PID1: variants seen among roughly 807,000 people sequenced by gnomAD.
The protein encoded by PID1 is PTB-containing, cubilin and LRP1-interacting protein.
PID1 carries 10 observed loss-of-function variants against 19.1 expected under a neutral mutation model. That is an observed-to-expected ratio of 0.52 (90% CI 0.32 to 0.89). The LOEUF is 0.89. Among genes scored for constraint, PID1 ranks in the 40% least tolerant of loss-of-function variants. PID1 has a pLI of 0.03. For synonymous variants in PID1, 130 were observed against 116.0 expected (o/e 1.12, Z -0.78); for missense variants, 248 against 285.3 (o/e 0.87, Z 0.94).
chr2:229,097,786 A>G (rs1694999849), intron 2 of PID1, among the ~76,000 whole-genome samples: 1 of 152,140 alleles, frequency 6.6e-6, no homozygotes, highest in Non-Finnish European at 1.5e-5. Context: ...TTTTCCCAAA[A>G]TGATAATGAA....
At chr2:229,149,834 A>ACT (rs1462133336) in intron 2 of PID1, among the ~76,000 whole-genome samples, 1 of 151,964 alleles carries the variant, frequency 6.6e-6, no homozygotes, top group Non-Finnish European at 1.5e-5. Context: ...GGCTGGTGGG[A>ACT]CTCTCGGCAA....
At chr2:229,026,857 C>T (rs188197118) in intron 2 of PID1, among the ~76,000 whole-genome samples, 26 of 152,234 alleles carry the variant, frequency 1.7e-4, no homozygotes, top group African/African-American at 5.1e-4. Flanking sequence ...TAATTCCAAA[C>T]GATTCAAATA....
At chr2:229,247,114 G>A (rs1690024558) in intron 1 of PID1, among the ~76,000 whole-genome samples, 1 of 152,176 alleles carries the variant, frequency 6.6e-6, no homozygotes, top group Non-Finnish European at 1.5e-5. Context: ...CTCCATAGAG[G>A]AGCAAAAATT....
intron 2 of PID1, among the ~76,000 whole-genome samples, chr2:229,037,505 G>T (rs1350518638): frequency 6.6e-6 from 1 of 152,152 alleles, no homozygotes; most frequent in African/African-American, 2.4e-5. Context: ...CAGTCCCCAT[G>T]TGCAATTTGT....
chr2:229,106,079 A>AAAAC (rs1224019798), intron 2 of PID1, among the ~76,000 whole-genome samples: 1 of 151,112 alleles, frequency 6.6e-6, no homozygotes, highest in Non-Finnish European at 1.5e-5. Context: ...GATTCCGTCA[A>AAAAC]AAAAAAAAAA....
chr2:229,061,683 G>A (rs1403663865), intron 2 of PID1, among the ~76,000 whole-genome samples: 4 of 152,034 alleles, frequency 2.6e-5, no homozygotes, highest in Non-Finnish European at 4.4e-5. Context: ...TATTGACCCT[G>A]TAGATCACTT....
At position 229,025,450 on chromosome 2, in the gene PID1, A is replaced by G. The variant is rs920038924; in HGVS notation, c.*182T>C. On this transcript the variant is annotated 3_prime_UTR_variant, in exon 3 of 3. Transcript: ENST00000392055. ...ACAGTCACAGCAGCAGCAGGTTTCA[A>G]TGTAACGTAATTACTTTAATGATAC... The G allele has an allele frequency of 5.0e-6, 3 of 601,270 alleles. No homozygotes were observed. The highest frequency in any genetic ancestry group is 3.7e-5 in the African/African-American group (2 of 54,012). The allele number at this position is 601,270 out of a possible 1,614,324, so 37.2% of individuals were successfully genotyped here. A position where few individuals can be genotyped will look rare whatever the true frequency, so the allele number is the denominator to read the frequency against.
intron 2 of PID1, among the ~76,000 whole-genome samples, chr2:229,114,135 T>TCTCTC (rs1559239219): frequency 1.1e-5 from 1 of 93,700 alleles, no homozygotes; most frequent in African/African-American, 4.3e-5. Context: ...CTCTCTCTCT[T>TCTCTC]TCTCTCTCTC....
chr2:229,181,581 C>T (rs1690948275), intron 1 of PID1, among the ~76,000 whole-genome samples: 1 of 152,182 alleles, frequency 6.6e-6, no homozygotes. Context: ...ACTGATCAGC[C>T]TTTTCTCCAA....
chr2:229,026,162 C>T (rs964603153), intron 2 of PID1, 54 bp from the exon 3 acceptor site: 3 of 1,201,384 alleles, frequency 2.5e-6, no homozygotes, highest in African/African-American at 3.0e-5. Context: ...GCTCTTTGTT[C>T]TGATAGACTG....
At chr2:229,221,538 C>T (rs925932992) in intron 1 of PID1, among the ~76,000 whole-genome samples, 11 of 152,162 alleles carry the variant, frequency 7.2e-5, no homozygotes, top group Admixed American at 4.6e-4. Flanking sequence ...AGCTGTTCAT[C>T]AATGCCTCTT....
At chr2:229,214,158 T>C (rs1474444217) in intron 1 of PID1, among the ~76,000 whole-genome samples, 1 of 152,182 alleles carries the variant, frequency 6.6e-6, no homozygotes, top group Non-Finnish European at 1.5e-5. Context: ...ATTCATACCA[T>C]TTTGTGTGGT....
intron 1 of PID1, among the ~76,000 whole-genome samples, chr2:229,212,563 T>C (rs967672410): frequency 3.0e-4 from 46 of 152,128 alleles, no homozygotes; most frequent in African/African-American, 9.7e-4. Context: ...GATTGTTATT[T>C]CCATGTTAAG....
intron 2 of PID1, among the ~76,000 whole-genome samples, chr2:229,136,483 G>T (rs1689859904): frequency 6.6e-6 from 1 of 152,074 alleles, no homozygotes; most frequent in Non-Finnish European, 1.5e-5. Flanking sequence ...AGTGTTTTCT[G>T]GTATTTCACT....
intron 2 of PID1, among the ~76,000 whole-genome samples, chr2:229,106,088 A>G (rs1040152578): frequency 5.9e-5 from 9 of 151,600 alleles, no homozygotes; most frequent in African/African-American, 2.2e-4. Context: ...AAAAAAAAAA[A>G]AGGGAAAAGA....
intron 1 of PID1, among the ~76,000 whole-genome samples, chr2:229,242,407 C>G (rs1574752506): frequency 6.6e-6 from 1 of 151,896 alleles, no homozygotes; most frequent in Non-Finnish European, 1.5e-5. Flanking sequence ...GATTCTACAC[C>G]CACCCTATCC....
chr2:229,204,835 A>G (rs897146633), intron 1 of PID1, among the ~76,000 whole-genome samples: 1 of 152,022 alleles, frequency 6.6e-6, no homozygotes, highest in Non-Finnish European at 1.5e-5. Flanking sequence ...TTGTTATTAA[A>G]CGAATATATA....
chr2:229,144,479 T>C (rs1049727543), intron 2 of PID1, among the ~76,000 whole-genome samples: 18 of 152,170 alleles, frequency 1.2e-4, no homozygotes, highest in Admixed American at 7.2e-4. Flanking sequence ...TATAAAACTA[T>C]ACAATTCTAA....
At chr2:229,175,681 C>T (rs933018358) in intron 1 of PID1, among the ~76,000 whole-genome samples, 1 of 152,140 alleles carries the variant, frequency 6.6e-6, no homozygotes, top group Non-Finnish European at 1.5e-5. Context: ...TCCTGGAAGA[C>T]AATACAAAGA....
Sources: gnomAD v4.1 joint callset for allele counts (sites outside exome capture counted in the v4.1 genomes callset) on GRCh38, gnomAD v4.1.1 for gene constraint, MANE v1.5 for transcripts, NCBI Gene and HGNC (gene_info 2026-07-23, HGNC 2026-07-21) for gene names.